NRG1: variants seen among roughly 807,000 people sequenced by gnomAD.
The protein encoded by NRG1 is neuregulin 1.
Under a neutral mutation model 63.8 loss-of-function variants are expected in NRG1, and 18 were observed. The ratio of observed to expected loss-of-function variants is 0.28; its 90% CI spans 0.19 to 0.42. The LOEUF (loss-of-function observed/expected upper bound fraction) is 0.42, where lower values mean the gene tolerates loss of function less well. Among genes scored for constraint, NRG1 ranks in the 10% least tolerant of loss-of-function variants. The pLI, the probability that NRG1 is intolerant of heterozygous loss-of-function variation, is 1.00. For synonymous variants in NRG1, 302 were observed against 301.3 expected, an observed-to-expected ratio of 1.00 and a Z score of -0.02; for missense variants, 762 against 814.7, an observed-to-expected ratio of 0.94 and a Z score of 0.79.
chr8:32,725,464 A>ATTTTTTTTTTTTTTTTTTTTTTTTTTT (rs71209904), intron 5 of NRG1, among the ~76,000 whole-genome samples: 1 of 67,582 alleles, frequency 1.5e-5, no homozygotes, highest in Middle Eastern at 0.013. Context: ...AAACTTCCTA[A>ATTTTTTTTTTTTTTTTTTTTTTTTTTT]TTTTTTTTTT....
rs1587327683 is a variant in NRG1 at position 32,392,466 on chromosome 8, C to A, written c.38-203362C>A. 2.0e-5 allele frequency among the ~76,000 whole-genome samples: 3 copies of A among 152,314 alleles called. 1 individual carries two copies. The East Asian group carries it at 5.8e-4, about 29-fold the overall frequency. On this transcript the variant is annotated intron_variant, in intron 1 of 10. Transcript: ENST00000519301. Reference sequence around the variant, plus strand: ...CATTTGGCAAATCTACATGTTCCTCCCTTTTTTCGCATCTCCATGTTCCTC... The same window carrying A: ...CATTTGGCAAATCTACATGTTCCTCACTTTTTTCGCATCTCCATGTTCCTC...
intron 5 of NRG1, among the ~76,000 whole-genome samples, chr8:32,653,785 A>G (rs1324427485): frequency 6.6e-6 from 1 of 152,148 alleles, no homozygotes; most frequent in Admixed American, 6.6e-5. Context: ...ATTTCACTGT[A>G]CGGACAAAGA....
chr8:32,089,136 A>C (rs1159394025), intron 1 of NRG1, among the ~76,000 whole-genome samples: 1 of 152,152 alleles, frequency 6.6e-6, no homozygotes, highest in Non-Finnish European at 1.5e-5. Context: ...AGAGAAAGGC[A>C]ATTTGTAGCT....
intron 5 of NRG1, among the ~76,000 whole-genome samples, chr8:32,650,899 T>C (rs1337157605): frequency 1.3e-5 from 2 of 152,066 alleles, no homozygotes; most frequent in Non-Finnish European, 2.9e-5. Flanking sequence ...ATTCAGCACA[T>C]TATGCACAGA....
chr8:31,853,830 G>A (rs1827529872), intron 1 of NRG1, among the ~76,000 whole-genome samples: 1 of 152,026 alleles, frequency 6.6e-6, no homozygotes, highest in African/African-American at 2.4e-5. Context: ...AAGAGTTGTT[G>A]AATTTTGTCA....
At chr8:31,814,524 G>A (rs763948889) in intron 1 of NRG1, among the ~76,000 whole-genome samples, 5 of 152,036 alleles carry the variant, frequency 3.3e-5, no homozygotes, top group Admixed American at 6.5e-5. Flanking sequence ...CTAAATATTC[G>A]TAGAATCAGA....
chr8:32,174,273 C>A (rs1431523152), intron 1 of NRG1, among the ~76,000 whole-genome samples: 51 of 151,992 alleles, frequency 3.4e-4, no homozygotes, highest in Non-Finnish European at 8.8e-5. Flanking sequence ...TTAAGATGTT[C>A]TTTGAAACCA....
chr8:32,146,952 T>G (rs543745810), intron 1 of NRG1, among the ~76,000 whole-genome samples: 2 of 152,220 alleles, frequency 1.3e-5, no homozygotes, highest in South Asian at 2.1e-4. Context: ...AGAGAAGAGA[T>G]TGAGATATTA....
chr8:32,673,964 G>C (rs1394638958), intron 5 of NRG1, among the ~76,000 whole-genome samples: 1 of 152,144 alleles, frequency 6.6e-6, no homozygotes, highest in Non-Finnish European at 1.5e-5. Flanking sequence ...ACTGTGTCAT[G>C]ACGAAAATTG....
chr8:32,504,958 T>C (rs2129497850), intron 1 of NRG1, among the ~76,000 whole-genome samples: 1 of 152,310 alleles, frequency 6.6e-6, no homozygotes, highest in Middle Eastern at 3.4e-3. Flanking sequence ...TGTTTACATA[T>C]CAAAGAGATG....
chr8:32,379,378 G>A (rs2129483255), intron 1 of NRG1, among the ~76,000 whole-genome samples: 1 of 152,208 alleles, frequency 6.6e-6, no homozygotes, highest in Middle Eastern at 3.4e-3. Context: ...TGTATTATGG[G>A]CATTATCTGG....
exon 12 of NRG1, chr8:32,764,638 G>A (rs935089000): frequency 9.4e-5 from 34 of 362,584 alleles, no homozygotes; most frequent in Non-Finnish European, 1.5e-4. Context: ...ATGTTATGTC[G>A]AGAGCAAGTT....
intron 5 of NRG1, among the ~76,000 whole-genome samples, chr8:32,664,320 G>C (rs1427964304): frequency 6.6e-6 from 1 of 151,748 alleles, no homozygotes; most frequent in Non-Finnish European, 1.5e-5. Flanking sequence ...AAACCAAAAA[G>C]GAATAAGGCT....
At chr8:32,361,212 TG>T (rs1563359837) in intron 1 of NRG1, among the ~76,000 whole-genome samples, 1 of 152,154 alleles carries the variant, frequency 6.6e-6, no homozygotes, top group Non-Finnish European at 1.5e-5. Context: ...GTACCTTCAT[TG>T]TAGAGACACA....
At chr8:32,711,109 C>A (rs1392572928) in intron 5 of NRG1, among the ~76,000 whole-genome samples, 2 of 152,034 alleles carry the variant, frequency 1.3e-5, no homozygotes, top group African/African-American at 4.8e-5. Context: ...AAAGAGGCGT[C>A]ATCGGGCAGA....
chr8:32,262,713 G>C (rs1048496304), intron 1 of NRG1, among the ~76,000 whole-genome samples: 5 of 152,216 alleles, frequency 3.3e-5, no homozygotes, highest in Admixed American at 6.5e-5. Flanking sequence ...GAAGTGGTTA[G>C]AGGTTCTAAC....
intron 5 of NRG1, among the ~76,000 whole-genome samples, chr8:32,698,400 A>G (rs1813933083): frequency 6.6e-6 from 1 of 152,206 alleles, no homozygotes; most frequent in African/African-American, 2.4e-5. Flanking sequence ...CAGGAGAGTC[A>G]TGCAGGCAGA....
chr8:31,984,147 C>A (rs953314535), intron 1 of NRG1, among the ~76,000 whole-genome samples: 2 of 151,982 alleles, frequency 1.3e-5, no homozygotes, highest in African/African-American at 2.4e-5. Flanking sequence ...ATAAACTTTT[C>A]TTTCCAAAGG....
intron 1 of NRG1, among the ~76,000 whole-genome samples, chr8:32,114,244 C>A (rs1462236819): frequency 1.3e-5 from 2 of 152,190 alleles, no homozygotes; most frequent in Non-Finnish European, 1.5e-5. Context: ...TGAGTCATAG[C>A]AAATCTGTCC....
Sources: gnomAD v4.1 joint callset for allele counts (sites outside exome capture counted in the v4.1 genomes callset) on GRCh38, gnomAD v4.1.1 for gene constraint, MANE v1.5 for transcripts, NCBI Gene and HGNC (gene_info 2026-07-23, HGNC 2026-07-21) for gene names.